Variants in ORMDL1 observed in about 807,000 individuals in gnomAD.
ORMDL1 encodes the protein ORMDL sphingolipid biosynthesis regulator 1.
ORMDL1 carries 10 observed loss-of-function variants against 13.0 expected under a neutral mutation model. The observed-to-expected ratio is 0.77, with a 90% CI of 0.47 to 1.30. The LOEUF (loss-of-function observed/expected upper bound fraction) is 1.30, where lower values mean the gene tolerates loss of function less well. ORMDL1 is among the 50% of genes most tolerant of loss of function. ORMDL1 has a pLI of 0.00. For synonymous variants in ORMDL1, 61 were observed against 63.9 expected, an observed-to-expected ratio of 0.95 and a Z score of 0.22; for missense variants, 171 against 186.7, an observed-to-expected ratio of 0.92 and a Z score of 0.49.
At chr2:189,772,695 T>A (rs561296865) in intron 4 of ORMDL1, among the ~76,000 whole-genome samples, 336 of 152,342 alleles carry the variant, frequency 2.2e-3, no homozygotes, top group Non-Finnish European at 3.0e-3. Flanking sequence ...ACATCATATC[T>A]TATTTGTTCA....
At position 189,782,463 on chromosome 2, in the gene ORMDL1, C is replaced by T; in HGVS notation, c.133G>A (p.Val45Ile). The T allele has an allele frequency of 1.2e-6, 2 of 1,614,100 alleles. No homozygotes were observed. Among genetic ancestry groups the T allele is most frequent in the Middle Eastern group, 1.6e-4 (1 of 6,062 alleles). The change falls in exon 3 of 5, where the codon GTT becomes ATT. Residue 45 changes from valine to isoleucine, a missense_variant. By Grantham distance (29) the Val-to-Ile change is conservative. Transcript: ENST00000392349. ...TTTGTTAAAGTCCAAGCAACAGGAACACTGAAGAAGGGAATGCTGAGTAAG... is the reference window on the plus strand; with the variant it reads ...TTTGTTAAAGTCCAAGCAACAGGAATACTGAAGAAGGGAATGCTGAGTAAG... ...IVLLSIPFFS[V>I]PVAWTLTNII... is the part of the protein sequence containing the mutation.
intron 2 of ORMDL1, 40 bp from the exon 3 acceptor site, chr2:189,782,642 G>A (rs1313874994): frequency 3.2e-6 from 5 of 1,565,812 alleles, no homozygotes; most frequent in Non-Finnish European, 4.4e-6. Flanking sequence ...TGATACAACT[G>A]GCAACCTAAC....
chr2:189,770,827 A>C lies in ORMDL1; in HGVS notation c.*940T>G, dbSNP rs1414633727. 1 of 152,046 alleles carries C rather than the reference A, an allele frequency of 6.6e-6. No homozygotes were observed. The highest frequency in any genetic ancestry group is 1.5e-5 in the Non-Finnish European group (1 of 67,984). The allele number at this position is 152,046 out of a possible 1,614,324, so 9.4% of individuals were successfully genotyped here. ...TTACTGCAGACCTGCCAAAAAAAAG[A>C]CTCCATTACTTACTTTGGTACTATT... On this transcript the variant is annotated 3_prime_UTR_variant, in exon 5 of 5. Transcript: ENST00000392349.
chr2:189,777,584 C>T (rs2047727834), intron 3 of ORMDL1, among the ~76,000 whole-genome samples: 1 of 152,016 alleles, frequency 6.6e-6, no homozygotes, highest in African/African-American at 2.4e-5. Context: ...ATCTACTGCC[C>T]CAATATTTTT....
At position 189,775,818 on chromosome 2, in the gene ORMDL1, A is replaced by G. The variant is rs1019951369; in HGVS notation, c.175-102T>C. 3.5e-6 allele frequency: 4 copies of G among 1,135,238 alleles called. No homozygotes were observed. The East Asian group carries it at 1.1e-4, about 30-fold the overall frequency. 70.3% of individuals were successfully genotyped at this position (1,135,238 alleles called of 1,614,324 possible). A position where few individuals can be genotyped will look rare whatever the true frequency, so the allele number is the denominator to read the frequency against. On this transcript the variant is annotated intron_variant, in intron 3 of 4. Transcript: ENST00000392349. The stretch of plus-strand genomic sequence containing the variant: ...TCCAAGCTGTTTGTGAGAGTGTGTG[A>G]TTTAACTGAGTTCGTTTTAAGCTTT...
the ORMDL1 span, chr2:189,764,014 C>CT: frequency 6.6e-6 from 1 of 152,162 alleles, no homozygotes; most frequent in African/African-American, 2.4e-5. Context: ...TTACAGGCAA[C>CT]TGGGCCACAG....
intron 4 of ORMDL1, 121 bp downstream of exon 4, chr2:189,775,444 G>C (rs988508130): frequency 1.9e-6 from 2 of 1,056,448 alleles, no homozygotes; most frequent in Non-Finnish European, 2.7e-6. Flanking sequence ...TGTTCTATCC[G>C]AGGTGCTACT....
chr2:189,775,532 T>C, intron 4 of ORMDL1, 33 bp downstream of exon 4: 1 of 1,544,524 alleles, frequency 6.5e-7, no homozygotes, highest in Non-Finnish European at 8.7e-7. Flanking sequence ...TCTTATCCAA[T>C]CCTCCTCATA....
chr2:189,778,317 C>T (rs147986634), intron 3 of ORMDL1: 1 of 441,096 alleles, frequency 2.3e-6, no homozygotes, highest in African/African-American at 2.0e-5. Flanking sequence ...ATCGCTTGAA[C>T]CCAGGAGGGG....
intron 1 of ORMDL1, 112 bp downstream of exon 1, chr2:189,784,157 C>G (rs990350820): frequency 6.6e-6 from 1 of 152,558 alleles, no homozygotes; most frequent in Non-Finnish European, 1.5e-5. Context: ...CGCAGGGCGC[C>G]GCAGATGCAG....
intron 1 of ORMDL1, 150 bp downstream of exon 1, chr2:189,784,119 C>T (rs1243871393): frequency 6.6e-6 from 1 of 152,360 alleles, no homozygotes; most frequent in Non-Finnish European, 1.5e-5. Context: ...GGGGGCGAGC[C>T]TCTGAGGCCA....
chr2:189,779,733 A>G (rs2106154229), intron 3 of ORMDL1, among the ~76,000 whole-genome samples: 1 of 152,318 alleles, frequency 6.6e-6, no homozygotes, highest in Admixed American at 6.5e-5. Flanking sequence ...CATCAAGAAG[A>G]CTATTTGATT....
Position 189,775,613 on chromosome 2 carries a change from A to G in ORMDL1, c.278T>C (p.Val93Ala). The G allele has an allele frequency of 6.2e-7, 1 of 1,613,144 alleles. No homozygotes were observed. The highest frequency in any genetic ancestry group is 8.5e-7 in the Non-Finnish European group (1 of 1,179,594). Residue 93 changes from valine (V) to alanine (A), a missense_variant, in exon 4 of 5, where the codon GTA becomes GCA. By Grantham distance (64) the Val-to-Ala change is moderately conservative. Coordinates refer to ENST00000392349, the MANE Select transcript of ORMDL1 (RefSeq NM_016467.5). ...LTHWEQLDYG[V>A]QFTSSRKFFT... is the part of the protein sequence containing the mutation. ...AAACTTCCGTGAAGATGTAAACTGT[A>G]CTCCATAGTCCAGTTGTTCCCAATG...
intron 3 of ORMDL1, among the ~76,000 whole-genome samples, chr2:189,781,826 A>G (rs2047842438): frequency 6.6e-6 from 1 of 152,222 alleles, no homozygotes; most frequent in African/African-American, 2.4e-5. Flanking sequence ...ATTTTATTGC[A>G]TGTGAATTAT....
Position 189,771,533 on chromosome 2 carries a change from G to T in ORMDL1, c.*234C>A. On this transcript the variant is annotated 3_prime_UTR_variant, in exon 5 of 5. Transcript: ENST00000392349. Reference sequence around the variant, plus strand: ...TGATGCCCTTTAACTTATAAGCTGGGCCTGCCCAGCCTGCTTATAAAGCCC... The same window carrying T: ...TGATGCCCTTTAACTTATAAGCTGGTCCTGCCCAGCCTGCTTATAAAGCCC... 1 of 343,736 alleles carries T rather than the reference G, an allele frequency of 2.9e-6. No homozygotes were observed. Among genetic ancestry groups the T allele is most frequent in the East Asian group, 5.0e-5 (1 of 20,012 alleles). 21.3% of individuals were successfully genotyped at this position (343,736 alleles called of 1,614,324 possible).
At chr2:189,775,507 G>A (rs1454158972) in intron 4 of ORMDL1, 58 bp downstream of exon 4, 1 of 1,471,838 alleles carries the variant, frequency 6.8e-7, no homozygotes, top group Non-Finnish European at 9.1e-7. Flanking sequence ...TCAATCTGAT[G>A]AAAAGATATC....
intron 1 of ORMDL1, chr2:189,783,334 C>G (rs534073999): frequency 1.3e-5 from 2 of 152,194 alleles, no homozygotes; most frequent in Non-Finnish European, 2.9e-5. Flanking sequence ...TAATAGTTCT[C>G]AGTTCTTTTA....
downstream of ORMDL1, among the ~76,000 whole-genome samples, chr2:189,769,662 G>A (rs762257036): frequency 1.2e-4 from 18 of 151,896 alleles, no homozygotes; most frequent in Admixed American, 2.0e-4. Context: ...TCATAATAAT[G>A]GATTATAACC....
intron 4 of ORMDL1, among the ~76,000 whole-genome samples, chr2:189,773,640 T>C (rs1177071853): frequency 2.8e-5 from 4 of 145,096 alleles, no homozygotes; most frequent in African/African-American, 1.0e-4. Context: ...GAGAATCGCT[T>C]GAACCTGGGA....
Sources: gnomAD v4.1 joint callset for allele counts (sites outside exome capture counted in the v4.1 genomes callset) on GRCh38, gnomAD v4.1.1 for gene constraint, MANE v1.5 for transcripts, NCBI Gene and HGNC (gene_info 2026-07-23, HGNC 2026-07-21) for gene names.